WDFY1: variants seen among roughly 807,000 people sequenced by gnomAD.
WDFY1 encodes the protein WD repeat and FYVE domain-containing protein 1.
In WDFY1, 32 loss-of-function variants were observed where a neutral mutation model predicts 56.4. That is an observed-to-expected ratio of 0.57 (90% CI 0.43 to 0.76). The LOEUF (loss-of-function observed/expected upper bound fraction) is 0.76, where lower values mean the gene tolerates loss of function less well. Ranked by LOEUF, WDFY1 falls within the 30% of genes least tolerant of loss-of-function variation. WDFY1 has a pLI of 0.00. For synonymous variants in WDFY1, 192 were observed against 197.3 expected (o/e 0.97, Z 0.23); for missense variants, 480 against 545.7 (o/e 0.88, Z 1.20).
At chr2:223,902,892 C>T (rs1377977918) in intron 4 of WDFY1, among the ~76,000 whole-genome samples, 1 of 151,922 alleles carries the variant, frequency 6.6e-6, no homozygotes, top group Non-Finnish European at 1.5e-5. Context: ...TAAACTCGGG[C>T]CAAACAGTCA....
intron 10 of WDFY1, among the ~76,000 whole-genome samples, chr2:223,881,701 T>C (rs926168374): frequency 1.3e-5 from 2 of 151,920 alleles, no homozygotes; most frequent in African/African-American, 2.4e-5. Context: ...GGCAGGAGAA[T>C]CGCTTGAACC....
chr2:223,942,546 T>TTTTTTTTTTTTA, intron 1 of WDFY1, among the ~76,000 whole-genome samples: 1 of 112,426 alleles, frequency 8.9e-6, no homozygotes, highest in Non-Finnish European at 1.9e-5. Context: ...TTTTTTTTTT[T>TTTTTTTTTTTTA]GAGACGGAGT....
chr2:223,944,810 G>T (rs757211840), intron 1 of WDFY1, among the ~76,000 whole-genome samples: 26 of 150,566 alleles, frequency 1.7e-4, no homozygotes, highest in Non-Finnish European at 3.8e-4. Context: ...CACTGGAACA[G>T]GGGTCCTGGG....
intron 1 of WDFY1, among the ~76,000 whole-genome samples, chr2:223,937,863 T>C (rs1329779999): frequency 6.6e-6 from 1 of 152,212 alleles, no homozygotes; most frequent in East Asian, 1.9e-4. Flanking sequence ...CTGTATTAAC[T>C]AATGAATTCC....
intron 3 of WDFY1, among the ~76,000 whole-genome samples, chr2:223,911,642 C>G (rs963007902): frequency 6.7e-6 from 1 of 150,160 alleles, no homozygotes; most frequent in Admixed American, 6.7e-5. Context: ...TCCACCATCA[C>G]GGCTAAGGGA....
chr2:223,933,583 G>A (rs1271535436), intron 1 of WDFY1, among the ~76,000 whole-genome samples: 1 of 152,102 alleles, frequency 6.6e-6, no homozygotes, highest in Admixed American at 6.5e-5. Context: ...TACTCTGGGA[G>A]GCTGAGGTGG....
chr2:223,886,093 C>T (rs1019574705), intron 8 of WDFY1, among the ~76,000 whole-genome samples: 8 of 152,164 alleles, frequency 5.3e-5, no homozygotes, highest in African/African-American at 1.9e-4. Flanking sequence ...CCTGTCATCT[C>T]AGCACTTTGG....
chr2:223,923,807 A>G (rs938483412), intron 1 of WDFY1, among the ~76,000 whole-genome samples: 6 of 152,202 alleles, frequency 3.9e-5, no homozygotes. Context: ...TGAAGTGTCA[A>G]GATCAGATGG....
At chr2:223,886,849 G>A (rs894277569) in intron 8 of WDFY1, among the ~76,000 whole-genome samples, 1 of 151,316 alleles carries the variant, frequency 6.6e-6, no homozygotes, top group African/African-American at 2.4e-5. Context: ...TGGTTTGAAC[G>A]ATGGGTGCCC....
intron 4 of WDFY1, among the ~76,000 whole-genome samples, chr2:223,903,522 CAAAA>C (rs200249965): frequency 4.3e-5 from 1 of 23,504 alleles, no homozygotes; most frequent in East Asian, 5.7e-4. Context: ...GGCTCTTTCT[CAAAA>C]AACAAAACAA....
intron 1 of WDFY1, among the ~76,000 whole-genome samples, chr2:223,940,650 T>TC (rs1689286128): frequency 6.6e-6 from 1 of 151,878 alleles, no homozygotes; most frequent in African/African-American, 2.4e-5. Flanking sequence ...TCTTTCTTTT[T>TC]TTTTTTTTTG....
rs182483910 is a variant in WDFY1, at chr2:223,944,107, G to A, written c.137+1041C>T. Among the ~76,000 whole-genome samples, 7 of 152,334 alleles carry A rather than the reference G, an allele frequency of 4.6e-5. No homozygotes were observed. In the East Asian group the frequency reaches 1.3e-3, roughly 29 times the overall value. On this transcript the variant is annotated intron_variant, in intron 1 of 11. Transcript: ENST00000233055. ...AGTCACTTTCACAAAAACCTATTTA[G>A]TAAATAAGAGTTCAGGTGATTCTAG...
rs386392770 is a variant in WDFY1 at position 223,913,993 on chromosome 2, C to CTTTTTTT, written c.206-1674_206-1668dup. On this transcript the variant is annotated intron_variant, in intron 2 of 11. Transcript: ENST00000233055. ...AGGAATCATCTTTCAAATCAGTTAG[C>CTTTTTTT]TTTTTTTTTTTTTTTTTTTTTTTGA... Among the ~76,000 whole-genome samples, 174 of 88,114 alleles carry CTTTTTTT rather than the reference C, an allele frequency of 2.0e-3. 4 individuals carry two copies. The highest frequency in any genetic ancestry group is 2.5e-3 in the Non-Finnish European group (127 of 51,072). The allele number at this position is 88,114 out of a possible 152,430, so 57.8% of individuals were successfully genotyped here.
At chr2:223,884,860 T>TTTTTC (rs2106071840) in intron 8 of WDFY1, 111 bp from the exon 9 acceptor site, 1 of 475,526 alleles carries the variant, frequency 2.1e-6, no homozygotes, top group Non-Finnish European at 2.9e-6. Flanking sequence ...TCTTTTCTTC[T>TTTTTC]TTTTTTTTTT....
intron 1 of WDFY1, among the ~76,000 whole-genome samples, chr2:223,927,720 T>C (rs942357968): frequency 1.4e-4 from 22 of 152,248 alleles, no homozygotes; most frequent in African/African-American, 5.1e-4. Context: ...ATAACTTGGC[T>C]GTTTGGTGCA....
intron 8 of WDFY1, among the ~76,000 whole-genome samples, chr2:223,888,426 A>G (rs922713342): frequency 6.6e-6 from 1 of 152,038 alleles, no homozygotes; most frequent in Non-Finnish European, 1.5e-5. Flanking sequence ...TTATGTTTCA[A>G]TTACCCAGAG....
intron 1 of WDFY1, among the ~76,000 whole-genome samples, chr2:223,926,614 TATA>T (rs1559173913): frequency 1.3e-5 from 2 of 151,788 alleles, no homozygotes; most frequent in Admixed American, 6.6e-5. Flanking sequence ...CATTTACATA[TATA>T]TGTGTGTGTA....
chr2:223,903,555 A>G (rs1275202396), intron 4 of WDFY1, among the ~76,000 whole-genome samples: 1 of 151,564 alleles, frequency 6.6e-6, no homozygotes, highest in Non-Finnish European at 1.5e-5. Flanking sequence ...AAAACCTTTG[A>G]CAACCAAAAT....
At chr2:223,939,160 G>A (rs918127556) in intron 1 of WDFY1, among the ~76,000 whole-genome samples, 3 of 152,156 alleles carry the variant, frequency 2.0e-5, no homozygotes, top group Non-Finnish European at 4.4e-5. Context: ...CTGGAAACTT[G>A]GCAGAAATGC....
Sources: allele counts gnomAD v4.1 joint callset (sites outside exome capture counted in the v4.1 genomes callset), GRCh38; gene constraint gnomAD v4.1.1; transcripts MANE v1.5; gene names NCBI Gene and HGNC (gene_info 2026-07-23, HGNC 2026-07-21).